The following ZMAT4 variants were observed in gnomAD, a reference collection of about 807,000 sequenced individuals.
ZMAT4 encodes zinc finger matrin-type 4.
A neutral mutation model predicts 28.7 loss-of-function variants in ZMAT4; 17 were observed. That is an observed-to-expected ratio of 0.59 (90% CI 0.41 to 0.89). ZMAT4 has a LOEUF of 0.89. Among genes scored for constraint, ZMAT4 ranks in the 40% least tolerant of loss-of-function variants. ZMAT4 has a pLI of 0.00. For missense variants in ZMAT4, 240 were observed against 283.8 expected, an observed-to-expected ratio of 0.85 and a Z score of 1.11; for synonymous variants, 117 against 109.2, an observed-to-expected ratio of 1.07 and a Z score of -0.44.
chr8:40,546,972 C>T (rs1255877513), intron 6 of ZMAT4, among the ~76,000 whole-genome samples: 2 of 152,164 alleles, frequency 1.3e-5, no homozygotes, highest in African/African-American at 4.8e-5. Context: ...CACACACACA[C>T]AGCAAACTTT....
intron 6 of ZMAT4, among the ~76,000 whole-genome samples, chr8:40,537,533 A>G (rs938824266): frequency 3.9e-5 from 6 of 152,214 alleles, no homozygotes; most frequent in African/African-American, 9.6e-5. Flanking sequence ...TTGACTTACC[A>G]AAACACCTAA....
At chr8:40,839,462 C>T (rs1340202545) in intron 1 of ZMAT4, among the ~76,000 whole-genome samples, 2 of 152,228 alleles carry the variant, frequency 1.3e-5, no homozygotes, top group Non-Finnish European at 2.9e-5. Flanking sequence ...TAGCTACAAT[C>T]CCACCACCAG....
rs1393942742 is a variant in ZMAT4, at chr8:40,770,067, C to T, written c.103-2337G>A. ...TTGGCAGGAAAAGGAATGGCTACAC[C>T]TCAGGCAGTGCCCTTGCCTAGGGTT... On this transcript the variant is annotated intron_variant, in intron 2 of 6. Transcript: ENST00000297737. Among the ~76,000 whole-genome samples the T allele has an allele frequency of 2.6e-4, 39 of 152,114 alleles. 1 individual carries two copies. Among genetic ancestry groups the T allele is most frequent in the Admixed American group, 6.5e-5 (1 of 15,282 alleles).
intron 3 of ZMAT4, among the ~76,000 whole-genome samples, chr8:40,738,036 G>A (rs1020376340): frequency 2.6e-5 from 4 of 152,060 alleles, no homozygotes; most frequent in African/African-American, 9.7e-5. Context: ...AGTCAGTATT[G>A]GATGGGTTGG....
chr8:40,818,296 C>T (rs894127595), intron 2 of ZMAT4, among the ~76,000 whole-genome samples: 4 of 152,174 alleles, frequency 2.6e-5, no homozygotes, highest in Non-Finnish European at 5.9e-5. Context: ...AGAAATCTTA[C>T]AGAAGATTAA....
chr8:40,686,345 C>T (rs1809406163), intron 4 of ZMAT4, among the ~76,000 whole-genome samples: 1 of 151,806 alleles, frequency 6.6e-6, no homozygotes, highest in East Asian at 1.9e-4. Flanking sequence ...TGAGACTGCA[C>T]CCCCAGCTAA....
chr8:40,648,295 G>A (rs1168353954), intron 5 of ZMAT4, among the ~76,000 whole-genome samples: 24 of 151,752 alleles, frequency 1.6e-4, no homozygotes, highest in Admixed American at 1.1e-3. Flanking sequence ...CTCAGGAGCC[G>A]ATGCGATCAA....
chr8:40,613,270 C>T (rs1424560886), intron 5 of ZMAT4, among the ~76,000 whole-genome samples: 1 of 137,722 alleles, frequency 7.3e-6, no homozygotes, highest in Admixed American at 8.0e-5. Context: ...GAAACTTCCA[C>T]CTCCTGGGTT....
chr8:40,677,138 C>T (rs925408357), intron 4 of ZMAT4, among the ~76,000 whole-genome samples: 1 of 152,098 alleles, frequency 6.6e-6, no homozygotes, highest in Non-Finnish European at 1.5e-5. Context: ...TCGATTTTAT[C>T]AACTGATACC....
intron 3 of ZMAT4, among the ~76,000 whole-genome samples, chr8:40,757,295 A>G (rs1812737405): frequency 6.6e-6 from 1 of 152,230 alleles, no homozygotes. Flanking sequence ...GGTTACAAGT[A>G]AAGTTCAATG....
chr8:40,606,702 T>C (rs1173960236), intron 5 of ZMAT4, among the ~76,000 whole-genome samples: 1 of 152,214 alleles, frequency 6.6e-6, no homozygotes, highest in Non-Finnish European at 1.5e-5. Flanking sequence ...TTGTTTGAGC[T>C]TCTTGTATTT....
chr8:40,780,883 A>G (rs527548016), intron 2 of ZMAT4, among the ~76,000 whole-genome samples: 2 of 152,332 alleles, frequency 1.3e-5, no homozygotes, highest in Admixed American at 6.5e-5. Flanking sequence ...ATAGCAATGA[A>G]GTTTCCCAAC....
At chr8:40,839,213 C>T (rs1467695649) in intron 1 of ZMAT4, among the ~76,000 whole-genome samples, 1 of 152,142 alleles carries the variant, frequency 6.6e-6, no homozygotes, top group Non-Finnish European at 1.5e-5. Flanking sequence ...AGCAATGGTG[C>T]AGAGATGCCT....
intron 6 of ZMAT4, among the ~76,000 whole-genome samples, chr8:40,548,207 G>A (rs1012729417): frequency 1.3e-5 from 2 of 152,138 alleles, no homozygotes; most frequent in African/African-American, 4.8e-5. Flanking sequence ...CTTTTATGCT[G>A]AACAAGATGG....
chr8:40,556,079 C>G (rs576540517), intron 6 of ZMAT4, among the ~76,000 whole-genome samples: 1 of 152,272 alleles, frequency 6.6e-6, no homozygotes, highest in African/African-American at 2.4e-5. Flanking sequence ...TATAGCAATT[C>G]CTTTTTCATC....
intron 3 of ZMAT4, among the ~76,000 whole-genome samples, chr8:40,735,820 C>A (rs1363483733): frequency 6.6e-6 from 1 of 152,126 alleles, no homozygotes; most frequent in Non-Finnish European, 1.5e-5. Context: ...CTCAGAGTCC[C>A]AGAACAGCAT....
chr8:40,542,090 G>A (rs1012448416), intron 6 of ZMAT4, among the ~76,000 whole-genome samples: 2 of 152,174 alleles, frequency 1.3e-5, no homozygotes, highest in African/African-American at 4.8e-5. Context: ...AGAGGCCGGA[G>A]GGGAGGGAAG....
intron 5 of ZMAT4, among the ~76,000 whole-genome samples, chr8:40,600,757 C>A (rs1805273503): frequency 6.6e-6 from 1 of 152,184 alleles, no homozygotes; most frequent in South Asian, 2.1e-4. Flanking sequence ...ATACCAGGGC[C>A]TTTGTCCAGG....
At chr8:40,778,915 T>C (rs1373060552) in intron 2 of ZMAT4, among the ~76,000 whole-genome samples, 1 of 152,174 alleles carries the variant, frequency 6.6e-6, no homozygotes, top group Admixed American at 6.5e-5. Context: ...GGACTTTTAT[T>C]TTAAATTGTA....
Sources: allele counts gnomAD v4.1 joint callset (sites outside exome capture counted in the v4.1 genomes callset), GRCh38; gene constraint gnomAD v4.1.1; transcripts MANE v1.5; gene names NCBI Gene and HGNC (gene_info 2026-07-23, HGNC 2026-07-21).